Variants in SHPRH observed in about 807,000 individuals in gnomAD.
The protein encoded by SHPRH is SNF2 histone linker PHD RING helicase.
A neutral mutation model predicts 202.5 loss-of-function variants in SHPRH; 106 were observed. The ratio of observed to expected loss-of-function variants is 0.52; its 90% CI spans 0.45 to 0.62. SHPRH has a LOEUF of 0.62. Ranked by LOEUF, SHPRH falls within the 20% of genes least tolerant of loss-of-function variation. The pLI is 0.00. For synonymous variants in SHPRH, 729 were observed against 686.0 expected (o/e 1.06, Z -0.98); for missense variants, 1,710 against 2,020.0 (o/e 0.85, Z 2.94).
At chr6:145,922,552 T>C (rs985797556) in intron 19 of SHPRH, 111 bp downstream of exon 19, 2 of 1,337,914 alleles carry the variant, frequency 1.5e-6, no homozygotes, top group African/African-American at 3.0e-5. Flanking sequence ...TCTACTTCTG[T>C]CTCAATTAAA....
chr6:145,913,166 A>G (rs531601597), intron 24 of SHPRH, among the ~76,000 whole-genome samples: 2 of 152,320 alleles, frequency 1.3e-5, no homozygotes, highest in African/African-American at 4.8e-5. Flanking sequence ...TTGAATAACT[A>G]TGTTAACCTG....
rs911044240 is a variant in SHPRH at position 145,948,421 on chromosome 6, A to G, written c.983-71T>C. 4.6e-5 allele frequency: 57 copies of G among 1,238,642 alleles called. No homozygotes were observed. The African/African-American group carries it at 7.3e-4, about 16-fold the overall frequency. The allele number at this position is 1,238,642 out of a possible 1,614,324, so 76.7% of individuals were successfully genotyped here. A position where few individuals can be genotyped will look rare whatever the true frequency, so the allele number is the denominator to read the frequency against. On this transcript the variant is annotated intron_variant, in intron 4 of 29. Coordinates refer to ENST00000275233, the MANE Select transcript of SHPRH (RefSeq NM_001042683.3). ...AGTCAGATAATCACATTAAAAAAAG[A>G]ATAGGTTAACAGTGAGGATACTCTG...
rs1048780198 is a variant in SHPRH at position 145,922,645 on chromosome 6, A to G, written c.3719+18T>C. ...AGAAATGGTACCATTTCATTGTATG[A>G]TTTCTTCTATTACCTACCAGTTGAG... On this transcript the variant is annotated intron_variant, in intron 19 of 29. Transcript: ENST00000275233. 19 of 1,575,150 alleles carry G rather than the reference A, an allele frequency of 1.2e-5. No individual in the cohort carries two copies. Among genetic ancestry groups the G allele is most frequent in the Non-Finnish European group, 1.6e-5 (19 of 1,165,798 alleles).
chr6:145,921,460 G>T, intron 20 of SHPRH, 68 bp from the exon 21 acceptor site: 1 of 1,415,370 alleles, frequency 7.1e-7, no homozygotes, highest in African/African-American at 1.4e-5. Context: ...TTCAATGTGA[G>T]TTCTAAAAGA....
At chr6:145,893,683 G>C (rs1190553723) in intron 27 of SHPRH, among the ~76,000 whole-genome samples, 4 of 152,094 alleles carry the variant, frequency 2.6e-5, no homozygotes, top group Non-Finnish European at 5.9e-5. Context: ...AGAGGAAAAA[G>C]AGAAAAAGAA....
chr6:145,877,191 T>C (rs1020152971), intron 2 of SHPRH, among the ~76,000 whole-genome samples: 2 of 152,166 alleles, frequency 1.3e-5, no homozygotes, highest in African/African-American at 4.8e-5. Flanking sequence ...TACATAGGAG[T>C]GGCATAGCTG....
rs1780997647 is a variant in SHPRH, at chr6:145,886,264, C to G, written c.*427G>C. 4.0e-6 allele frequency: 2 copies of G among 495,508 alleles called. No homozygotes were observed. The highest frequency in any genetic ancestry group is 7.5e-6 in the Non-Finnish European group (2 of 265,408). 30.7% of individuals were successfully genotyped at this position (495,508 alleles called of 1,614,324 possible). A position where few individuals can be genotyped will look rare whatever the true frequency, so the allele number is the denominator to read the frequency against. On this transcript the variant is annotated 3_prime_UTR_variant, in exon 30 of 30. Coordinates refer to ENST00000275233, the MANE Select transcript of SHPRH (RefSeq NM_001042683.3). The stretch of plus-strand genomic sequence containing the variant: ...TATTACTAACAAGATATTGGTGAAT[C>G]ATGTGCTAAAGATACTGAAGGCCCT...
intron 25 of SHPRH, chr6:145,904,567 A>G (rs1343040670): frequency 6.6e-6 from 1 of 152,384 alleles, no homozygotes; most frequent in African/African-American, 2.4e-5. Context: ...GACAGACAGC[A>G]GGCCAGAAAT....
chr6:145,921,448 C>T, intron 20 of SHPRH, 56 bp from the exon 21 acceptor site: 1 of 1,502,970 alleles, frequency 6.7e-7, no homozygotes, highest in Non-Finnish European at 9.2e-7. Context: ...TGAAAAGCAA[C>T]CTTCAATGTG....
intron 23 of SHPRH, among the ~76,000 whole-genome samples, chr6:145,916,790 C>CT (rs943413924): frequency 2.7e-4 from 41 of 149,340 alleles, no homozygotes; most frequent in Admixed American, 9.4e-4. Context: ...TTCCTGTTAT[C>CT]TTTTTTTTTT....
intron 16 of SHPRH, 114 bp from the exon 17 acceptor site, chr6:145,924,960 A>G (rs1034116604): frequency 1.4e-6 from 1 of 728,718 alleles, no homozygotes; most frequent in East Asian, 2.7e-5. Flanking sequence ...ACTGCATTTA[A>G]ACATAAAAGT....
chr6:145,887,469 T>G (rs1030263761), intron 29 of SHPRH, among the ~76,000 whole-genome samples: 1 of 151,952 alleles, frequency 6.6e-6, no homozygotes, highest in South Asian at 2.1e-4. Flanking sequence ...AAATTAAGAC[T>G]GGTTTAGTCT....
intron 11 of SHPRH, among the ~76,000 whole-genome samples, chr6:145,939,224 A>C (rs1414876370): frequency 6.6e-6 from 1 of 152,188 alleles, no homozygotes; most frequent in African/African-American, 2.4e-5. Flanking sequence ...GAAGTGAGGA[A>C]GAAAGACAAA....
At chr6:145,893,075 T>G (rs1176882913) in intron 28 of SHPRH, 140 bp downstream of exon 28, 4 of 538,146 alleles carry the variant, frequency 7.4e-6, no homozygotes, top group Non-Finnish European at 1.1e-5. Context: ...AGTTATAAAA[T>G]AAATAATTAA....
chr6:145,932,979 T>G, intron 14 of SHPRH, 78 bp downstream of exon 14: 51 of 1,417,076 alleles, frequency 3.6e-5, no homozygotes, highest in Non-Finnish European at 4.7e-5. Flanking sequence ...CCCCCAAAAA[T>G]CAAAATCTAT....
intron 2 of SHPRH, among the ~76,000 whole-genome samples, chr6:145,869,292 G>T (rs1390911857): frequency 6.6e-6 from 1 of 152,136 alleles, no homozygotes; most frequent in East Asian, 1.9e-4. Flanking sequence ...CCATTCTGTA[G>T]CTTGTCTTTT....
In SHPRH at chr6:145,956,558, G is replaced by A. The variant is rs575704070; in HGVS notation, c.-32-1204C>T. On this transcript the variant is annotated intron_variant, in intron 1 of 29. Transcript: ENST00000275233. ...CTACAATCTAAGTAATGTAAGAAGC[G>A]CTTGGGTAGAAGAAATATGACATCA... is the stretch of plus-strand genomic sequence containing the variant. Among the ~76,000 whole-genome samples, 7 of 152,158 alleles carry A rather than the reference G, an allele frequency of 4.6e-5. No individual in the cohort carries two copies. In the South Asian group the frequency reaches 6.2e-4, roughly 14 times the overall value.
rs746107273 is a variant in SHPRH, at chr6:145,947,496, G to A, written c.1209C>T (p.Pro403=). The A allele has an allele frequency of 5.6e-6, 9 of 1,612,062 alleles. No homozygotes were observed. Among genetic ancestry groups the A allele is most frequent in the African/African-American group, 1.3e-5 (1 of 74,690 alleles). The change falls in exon 6 of 30, where the codon CCC becomes CCT. Residue 403 remains proline (P), a synonymous_variant. Transcript: ENST00000275233. ...QDVKQDALTL[P]EGKVVNYFIP... ...AAGCCCTACTATACCCTCCTACCTC[G>A]GGAAGAGTGAGAGCATCTTGCTTGA... is the stretch of plus-strand genomic sequence containing the variant.
chr6:145,922,588 C>A, intron 19 of SHPRH, 75 bp downstream of exon 19: 1 of 1,490,832 alleles, frequency 6.7e-7, no homozygotes, highest in South Asian at 1.4e-5. Context: ...CTATATGAGT[C>A]AATTGTTTCT....
Sources: allele counts gnomAD v4.1 joint callset (sites outside exome capture counted in the v4.1 genomes callset), GRCh38; gene constraint gnomAD v4.1.1; transcripts MANE v1.5; gene names NCBI Gene and HGNC (gene_info 2026-07-23, HGNC 2026-07-21).